The following NTAQ1 variants were observed in gnomAD, a reference collection of about 807,000 sequenced individuals.
NTAQ1 encodes protein N-terminal glutamine amidohydrolase.
Under a neutral mutation model 28.2 loss-of-function variants are expected in NTAQ1, and 21 were observed. The ratio of observed to expected loss-of-function variants is 0.74; its 90% CI spans 0.53 to 1.07. NTAQ1 has a LOEUF of 1.07. Ranked by LOEUF, NTAQ1 falls within the 50% of genes least tolerant of loss-of-function variation. The pLI, the probability that NTAQ1 is intolerant of heterozygous loss-of-function variation, is 0.00. For synonymous variants in NTAQ1, 105 were observed against 90.0 expected (o/e 1.17, Z -0.94); for missense variants, 264 against 256.6 (o/e 1.03, Z -0.20).
intron 1 of NTAQ1, among the ~76,000 whole-genome samples, chr8:123,426,215 G>A (rs992962716): frequency 2.0e-5 from 3 of 152,210 alleles, no homozygotes; most frequent in Non-Finnish European, 2.9e-5. Context: ...CTCAGTTACT[G>A]CTCTGTTTGA....
chr8:123,442,549 C>G (rs1815115741), downstream of NTAQ1, among the ~76,000 whole-genome samples: 1 of 145,164 alleles, frequency 6.9e-6, no homozygotes, highest in Non-Finnish European at 1.5e-5. Flanking sequence ...GAGCTGAGAT[C>G]ATGCTGCTGC....
chr8:123,429,874 T>TGTCTCAAAAAAAAAAAAAAAAAATCCC, intron 2 of NTAQ1, 109 bp from the exon 3 acceptor site: 1 of 676,572 alleles, frequency 1.5e-6, no homozygotes, highest in South Asian at 2.3e-5. Context: ...AGCAGGACTC[T>TGTCTCAAAAAAAAAAAAAAAAAATCCC]GTCTCAAAAA....
downstream of NTAQ1, among the ~76,000 whole-genome samples, chr8:123,446,775 C>T (rs13254442): frequency 0.36 from 55,107 of 152,038 alleles, 10,102 homozygotes; most frequent in East Asian, 0.56. Flanking sequence ...ACAGACTCTG[C>T]TCCAACTATG....
chr8:123,458,102 T>G (rs1815706665), intron 6 of NTAQ1, among the ~76,000 whole-genome samples: 1 of 38,252 alleles, frequency 2.6e-5, no homozygotes, highest in African/African-American at 6.6e-5. Flanking sequence ...CCTCACTGTT[T>G]TTTTTTTTTT....
At chr8:123,457,392 T>C in intron 6 of NTAQ1, among the ~76,000 whole-genome samples, 1 of 152,126 alleles carries the variant, frequency 6.6e-6, no homozygotes, top group Non-Finnish European at 1.5e-5. Flanking sequence ...ATCTTAAACA[T>C]GATATAAATA....
At position 123,416,945 on chromosome 8, in the gene NTAQ1, G is replaced by T; in HGVS notation, c.83+13G>T. ...GCAGCTGCTACTGGTGAGGGGGCGC[G>T]GGCGCAGCCTCTGGGTCTCCCAGGC... On this transcript the variant is annotated intron_variant, in intron 1 of 5. Transcript: ENST00000287387. The T allele has an allele frequency of 6.8e-7, 1 of 1,475,268 alleles. No homozygotes were observed. 91.4% of individuals were successfully genotyped at this position (1,475,268 alleles called of 1,614,324 possible).
chr8:123,444,352 G>A (rs1034220111), downstream of NTAQ1, among the ~76,000 whole-genome samples: 10 of 151,558 alleles, frequency 6.6e-5, no homozygotes, highest in African/African-American at 2.4e-4. Flanking sequence ...GGCATGCGCC[G>A]CTACACCTGG....
At chr8:123,435,147 G>A (rs982294621) in intron 3 of NTAQ1, among the ~76,000 whole-genome samples, 5 of 152,104 alleles carry the variant, frequency 3.3e-5, no homozygotes, top group African/African-American at 9.7e-5. Flanking sequence ...CTATGAGAGC[G>A]TTTTTCTTTG....
chr8:123,433,829 C>T (rs1814537695), intron 3 of NTAQ1, among the ~76,000 whole-genome samples: 1 of 152,192 alleles, frequency 6.6e-6, no homozygotes, highest in Non-Finnish European at 1.5e-5. Flanking sequence ...CTTGTCTAAC[C>T]TGCAGCCTAT....
intron 1 of NTAQ1, among the ~76,000 whole-genome samples, chr8:123,427,217 A>G (rs543383909): frequency 4.0e-5 from 6 of 148,620 alleles, no homozygotes; most frequent in African/African-American, 1.5e-4. Flanking sequence ...TGAGAAAAGC[A>G]GATTCTTGGA....
chr8:123,466,225 T>C (rs1467156712), intron 6 of NTAQ1, among the ~76,000 whole-genome samples: 1 of 152,158 alleles, frequency 6.6e-6, no homozygotes. Flanking sequence ...CAGCTTTATA[T>C]AGCTGCAAAG....
downstream of NTAQ1, among the ~76,000 whole-genome samples, chr8:123,473,271 TATTA>T (rs1265858150): frequency 2.0e-5 from 3 of 151,878 alleles, no homozygotes; most frequent in Admixed American, 6.6e-5. Flanking sequence ...TCACCTAGGG[TATTA>T]ATTAATTTGT....
chr8:123,452,803 A>G (rs1815541989), downstream of NTAQ1, among the ~76,000 whole-genome samples: 1 of 152,100 alleles, frequency 6.6e-6, no homozygotes, highest in Non-Finnish European at 1.5e-5. Flanking sequence ...GCTACTCGGG[A>G]GGCTGAGGCA....
downstream of NTAQ1, among the ~76,000 whole-genome samples, chr8:123,445,159 T>C (rs1469381648): frequency 2.6e-5 from 4 of 152,200 alleles, no homozygotes; most frequent in Non-Finnish European, 5.9e-5. Flanking sequence ...CCTCCAATTT[T>C]CTGATGTTCC....
exon 7 of NTAQ1, among the ~76,000 whole-genome samples, chr8:123,469,022 T>G (rs1563910190): frequency 6.6e-6 from 1 of 152,354 alleles, no homozygotes; most frequent in East Asian, 1.9e-4. Flanking sequence ...ATATCACTTT[T>G]GGAGACATGT....
At chr8:123,454,382 T>TTTTG (rs1815588468) in intron 6 of NTAQ1, among the ~76,000 whole-genome samples, 4 of 128,876 alleles carry the variant, frequency 3.1e-5, no homozygotes, top group South Asian at 2.8e-4. Context: ...GTTTTGTTTT[T>TTTTG]TTTGAGAGGG....
chr8:123,427,799 G>T (rs1563885317), intron 1 of NTAQ1, 125 bp from the exon 2 acceptor site: 4 of 719,846 alleles, frequency 5.6e-6, no homozygotes, highest in Non-Finnish European at 9.3e-6. Context: ...ACATTAGCCA[G>T]TTGTTGGATG....
intron 3 of NTAQ1, among the ~76,000 whole-genome samples, chr8:123,436,015 A>G (rs1299221907): frequency 6.7e-6 from 1 of 150,366 alleles, no homozygotes; most frequent in African/African-American, 2.5e-5. Flanking sequence ...TAAAAATACA[A>G]AAAATTAGCT....
intron 1 of NTAQ1, among the ~76,000 whole-genome samples, chr8:123,423,069 G>T (rs1049751486): frequency 1.3e-5 from 2 of 152,194 alleles, no homozygotes; most frequent in South Asian, 2.1e-4. Context: ...ATAATTTGAA[G>T]TTGGGTAGTG....
Sources: gnomAD v4.1 joint callset for allele counts (sites outside exome capture counted in the v4.1 genomes callset) on GRCh38, gnomAD v4.1.1 for gene constraint, MANE v1.5 for transcripts, NCBI Gene and HGNC (gene_info 2026-07-23, HGNC 2026-07-21) for gene names.